Variants in ZNF90 observed in about 807,000 individuals in gnomAD.
ZNF90 encodes zinc finger protein HTF9.
ZNF90 carries 11 observed loss-of-function variants against 12.0 expected under a neutral mutation model. That is an observed-to-expected ratio of 0.92 (90% CI 0.58 to 1.52). The LOEUF is 1.52. ZNF90 is among the 40% of genes most tolerant of loss of function. ZNF90 has a pLI of 0.00. For missense variants in ZNF90, 765 were observed against 711.5 expected, an observed-to-expected ratio of 1.08 and a Z score of -0.86; for synonymous variants, 232 against 240.1, an observed-to-expected ratio of 0.97 and a Z score of 0.31.
At chr19:20,105,672 C>CT (rs1457704092) in intron 3 of ZNF90, among the ~76,000 whole-genome samples, 3 of 152,064 alleles carry the variant, frequency 2.0e-5, no homozygotes, top group Non-Finnish European at 4.4e-5. Flanking sequence ...TGTTTTTAGT[C>CT]TTTTTGCATC....
intron 3 of ZNF90, among the ~76,000 whole-genome samples, chr19:20,112,286 G>T (rs529552580): frequency 4.7e-5 from 7 of 148,398 alleles, no homozygotes; most frequent in Non-Finnish European, 1.0e-4. Context: ...ATGAAGAGCA[G>T]TGAAGGGCAG....
intron 3 of ZNF90, among the ~76,000 whole-genome samples, chr19:20,106,044 C>CTTTTTTT (rs56933917): frequency 2.3e-4 from 16 of 71,050 alleles, no homozygotes; most frequent in African/African-American, 4.8e-4. Flanking sequence ...CTAATTTTTT[C>CTTTTTTT]TTTTTTTTTT....
chr19:20,080,206 C>T, intron 1 of ZNF90: 1 of 559,866 alleles, frequency 1.8e-6, no homozygotes, highest in African/African-American at 1.9e-5. Context: ...GGACTAGTAC[C>T]ACCGTCCTGA....
At position 20,118,664 on chromosome 19, in the gene ZNF90, G is replaced by T; in HGVS notation, c.1110G>T (p.Lys370Asn). 1 of 1,565,238 alleles carries T rather than the reference G, an allele frequency of 6.4e-7. No homozygotes were observed. Among genetic ancestry groups the T allele is most frequent in the Non-Finnish European group, 8.6e-7 (1 of 1,156,688 alleles). The change falls in exon 4 of 4, where the codon AAG (lysine) becomes AAT (asparagine). Residue 370 changes from lysine to asparagine, a missense_variant. Coordinates refer to ENST00000418063, the MANE Select transcript of ZNF90 (RefSeq NM_007138.2). ...KRIHTGEKPY[K>N]CDKCGKAFIS... Reference sequence around the variant, plus strand: ...TTCATACTGGAGAGAAACCCTACAAGTGTGATAAATGTGGCAAAGCATTTA... The same window carrying T: ...TTCATACTGGAGAGAAACCCTACAATTGTGATAAATGTGGCAAAGCATTTA...
intron 3 of ZNF90, among the ~76,000 whole-genome samples, chr19:20,107,844 T>G (rs193166176): frequency 6.6e-6 from 1 of 152,194 alleles, no homozygotes; most frequent in African/African-American, 2.4e-5. Flanking sequence ...GCACCCAATA[T>G]TTAACTAAAT....
intron 3 of ZNF90, chr19:20,107,043 G>A: frequency 2.2e-6 from 1 of 453,258 alleles, no homozygotes; most frequent in South Asian, 1.6e-5. Flanking sequence ...TCAGGATGTG[G>A]ATGAGTATGG....
At chr19:20,093,773 C>T (rs1182994372) in intron 1 of ZNF90, among the ~76,000 whole-genome samples, 3 of 152,030 alleles carry the variant, frequency 2.0e-5, no homozygotes, top group African/African-American at 7.3e-5. Flanking sequence ...GTGGGTAGCC[C>T]CCGTATCGAT....
chr19:20,112,376 G>A lies in ZNF90; in HGVS notation c.227-5405G>A, dbSNP rs531672797. On this transcript the variant is annotated intron_variant, in intron 3 of 3. Coordinates refer to ENST00000418063, the MANE Select transcript of ZNF90 (RefSeq NM_007138.2). The stretch of plus-strand genomic sequence containing the variant: ...TTTCTCTGGCACCCAGGCTGGAGTG[G>A]CATGGCATGATTTTGGCAAACTGCA... Among the ~76,000 whole-genome samples, 72 of 151,744 alleles carry A rather than the reference G, an allele frequency of 4.7e-4. 1 individual carries two copies. The Middle Eastern group carries it at 0.01, about 22-fold the overall frequency.
chr19:20,083,441 C>T (rs1371660346), intron 1 of ZNF90, among the ~76,000 whole-genome samples: 2 of 152,008 alleles, frequency 1.3e-5, no homozygotes, highest in African/African-American at 4.8e-5. Context: ...GATTCTCCTG[C>T]CTCAGCCTCC....
intron 3 of ZNF90, 85 bp from the exon 4 acceptor site, chr19:20,117,696 G>T (rs1382368103): frequency 1.4e-6 from 2 of 1,420,132 alleles, no homozygotes; most frequent in Non-Finnish European, 1.8e-6. Context: ...TTTTGCCCAA[G>T]ATGAGGTTAA....
chr19:20,084,242 A>C (rs1568282057), intron 1 of ZNF90, among the ~76,000 whole-genome samples: 2 of 151,908 alleles, frequency 1.3e-5, no homozygotes, highest in Non-Finnish European at 2.9e-5. Flanking sequence ...TTTTTAGTAG[A>C]GACGGGGTTT....
rs571443501 is a variant in ZNF90, at chr19:20,080,239, A to G, written c.3+2104A>G. 3 of 583,370 alleles carry G rather than the reference A, an allele frequency of 5.1e-6. No individual in the cohort carries two copies. In the African/African-American group the frequency reaches 5.6e-5, roughly 11 times the overall value. 36.1% of individuals were successfully genotyped at this position (583,370 alleles called of 1,614,324 possible). A position where few individuals can be genotyped will look rare whatever the true frequency, so the allele number is the denominator to read the frequency against. On this transcript the variant is annotated intron_variant, in intron 1 of 3. Coordinates refer to ENST00000418063, the MANE Select transcript of ZNF90 (RefSeq NM_007138.2). Reference sequence around the variant, plus strand: ...TGACGGTGTGCTGTTGATGAGCACGATGCAATTCTTCACCAGGGTCTTGGT... The same window carrying G: ...TGACGGTGTGCTGTTGATGAGCACGGTGCAATTCTTCACCAGGGTCTTGGT...
intron 3 of ZNF90, among the ~76,000 whole-genome samples, chr19:20,113,354 C>T (rs2089106993): frequency 6.6e-6 from 1 of 152,032 alleles, no homozygotes; most frequent in Non-Finnish European, 1.5e-5. Flanking sequence ...CAACGCCCGC[C>T]TAATTTCATT....
intron 1 of ZNF90, chr19:20,080,430 T>G: frequency 3.0e-6 from 1 of 331,866 alleles, no homozygotes; most frequent in Non-Finnish European, 6.0e-6. Context: ...GGGGCCAATC[T>G]TGGTGTTGGC....
intron 3 of ZNF90, among the ~76,000 whole-genome samples, chr19:20,114,124 C>G (rs1351577379): frequency 2.0e-5 from 3 of 152,028 alleles, no homozygotes; most frequent in African/African-American, 4.8e-5. Flanking sequence ...AACATGGTCT[C>G]TACTATAATA....
intron 1 of ZNF90, among the ~76,000 whole-genome samples, chr19:20,101,667 A>G (rs1162572866): frequency 6.6e-6 from 1 of 152,208 alleles, no homozygotes; most frequent in East Asian, 1.9e-4. Flanking sequence ...GGAGGTAGAC[A>G]TGTGGCACTG....
At chr19:20,110,362 C>T (rs189165452) in intron 3 of ZNF90, among the ~76,000 whole-genome samples, 560 of 151,876 alleles carry the variant, frequency 3.7e-3, no homozygotes, top group South Asian at 0.014. Flanking sequence ...CACTGCAACC[C>T]CTGCCTCCTG....
Position 20,100,989 on chromosome 19 carries a change from TG to T in ZNF90, c.4-3247del, listed in dbSNP as rs144904240. Reference sequence around the variant, plus strand: ...CCCCTTTGGATCCCCTCCCATTGTATGGGAGTTCTGTTTTCACTCTATTAAA... The same window carrying T: ...CCCCTTTGGATCCCCTCCCATTGTATGGAGTTCTGTTTTCACTCTATTAAA... On this transcript the variant is annotated intron_variant, in intron 1 of 3. Coordinates refer to ENST00000418063, the MANE Select transcript of ZNF90 (RefSeq NM_007138.2). Among the ~76,000 whole-genome samples the T allele has an allele frequency of 4.4e-3, 665 of 152,216 alleles. 5 individuals carry two copies. Among genetic ancestry groups the T allele is most frequent in the African/African-American group, 0.015 (606 of 41,512 alleles).
Position 20,118,727 on chromosome 19 carries a change from T to G in ZNF90, c.1173T>G (p.His391Gln), listed in dbSNP as rs782172193. The change falls in exon 4 of 4, where the codon CAT becomes CAG. Residue 391 changes from histidine (H) to glutamine (Q), a missense_variant. His to Gln is a conservative substitution (Grantham distance 24). Transcript: ENST00000418063. Reference sequence around the variant, plus strand: ...TCCTTTATAAACATAAGATAAGTCATAGTGAAAAGAAACCCTACAAATGTG... The same window carrying G: ...TCCTTTATAAACATAAGATAAGTCAGAGTGAAAAGAAACCCTACAAATGTG... ...SSLLYKHKIS[H>Q]SEKKPYKCEE... The G allele has an allele frequency of 6.2e-7, 1 of 1,608,422 alleles. No individual in the cohort carries two copies.
Sources: allele counts gnomAD v4.1 joint callset (sites outside exome capture counted in the v4.1 genomes callset), GRCh38; gene constraint gnomAD v4.1.1; transcripts MANE v1.5; gene names NCBI Gene and HGNC (gene_info 2026-07-23, HGNC 2026-07-21).